Variants in SLC10A2 observed in about 807,000 individuals in gnomAD.
The protein encoded by SLC10A2 is ileal sodium/bile acid cotransporter.
A neutral mutation model predicts 27.1 loss-of-function variants in SLC10A2; 34 were observed. The observed-to-expected ratio is 1.26, with a 90% CI of 0.96 to 1.67. The LOEUF is 1.67. SLC10A2 is among the 40% of genes most tolerant of loss of function. The pLI is 0.00. For synonymous variants in SLC10A2, 205 were observed against 174.0 expected (o/e 1.18, Z -1.40); for missense variants, 530 against 444.4 (o/e 1.19, Z -1.73).
chr13:103,050,140 C>A (rs1055566241), intron 4 of SLC10A2, among the ~76,000 whole-genome samples: 4 of 152,086 alleles, frequency 2.6e-5, no homozygotes, highest in African/African-American at 7.2e-5. Context: ...CAGAATGAGA[C>A]CCTGTCTCAT....
At chr13:103,062,197 T>C (rs1876143764) in intron 1 of SLC10A2, among the ~76,000 whole-genome samples, 1 of 152,230 alleles carries the variant, frequency 6.6e-6, no homozygotes, top group East Asian at 1.9e-4. Flanking sequence ...TTGAAGGCTC[T>C]AACGTAGCGT....
intron 3 of SLC10A2, among the ~76,000 whole-genome samples, chr13:103,052,061 T>C (rs1397460648): frequency 6.6e-6 from 1 of 152,348 alleles, no homozygotes; most frequent in East Asian, 1.9e-4. Context: ...CTATCTATAT[T>C]ATCTACATAC....
At chr13:103,053,081 GGTGTGTGTGTGTGTGTGTGTGT>G (rs143709540) in intron 2 of SLC10A2, among the ~76,000 whole-genome samples, 4 of 145,072 alleles carry the variant, frequency 2.8e-5, no homozygotes, top group Non-Finnish European at 6.1e-5. Flanking sequence ...AGCTCACCAA[GGTGTGTGTGTGTGTGTGTGTGT>G]GTGTGTGTGT....
intron 1 of SLC10A2, among the ~76,000 whole-genome samples, chr13:103,062,165 T>C (rs1876142491): frequency 6.6e-6 from 1 of 152,234 alleles, no homozygotes; most frequent in Non-Finnish European, 1.5e-5. Context: ...ATTGTAATCA[T>C]ATTAGAAGTA....
In SLC10A2 at chr13:103,049,460, T is replaced by C. The variant is rs1875710984; in HGVS notation, c.762-14A>G. On this transcript the variant is annotated splice_polypyrimidine_tract_variant and intron_variant, in intron 4 of 5. Coordinates refer to ENST00000245312, the MANE Select transcript of SLC10A2 (RefSeq NM_000452.3). The stretch of plus-strand genomic sequence containing the variant: ...ACCGTTCGGCACCTAAAGAAGATGT[T>C]AAGAGAGCACATGTTTTAGTAGTTT... 6.8e-6 allele frequency: 11 copies of C among 1,613,592 alleles called. 1 individual carries two copies. In the Middle Eastern group the frequency reaches 6.6e-4, roughly 97 times the overall value.
chr13:103,048,700 T>C (rs1453562920), intron 5 of SLC10A2, among the ~76,000 whole-genome samples: 1 of 152,162 alleles, frequency 6.6e-6, no homozygotes, highest in Non-Finnish European at 1.5e-5. Context: ...TGGGAAACGC[T>C]GGGAGCTTCA....
intron 4 of SLC10A2, among the ~76,000 whole-genome samples, chr13:103,050,587 A>G (rs1875748874): frequency 6.6e-6 from 1 of 152,184 alleles, no homozygotes; most frequent in African/African-American, 2.4e-5. Context: ...TTCCACTCAG[A>G]GAATAAGAAT....
At chr13:103,050,277 T>C (rs926169480) in intron 4 of SLC10A2, among the ~76,000 whole-genome samples, 8 of 152,188 alleles carry the variant, frequency 5.3e-5, no homozygotes, top group African/African-American at 1.9e-4. Flanking sequence ...CCCCGGGCAG[T>C]GTGTGGTCGG....
intron 5 of SLC10A2, among the ~76,000 whole-genome samples, chr13:103,047,492 T>G (rs1875646110): frequency 6.6e-6 from 1 of 151,942 alleles, no homozygotes; most frequent in Admixed American, 6.6e-5. Context: ...TATCCCTTTT[T>G]CTTTCCCTCC....
chr13:103,049,773 T>C (rs1410301512), intron 4 of SLC10A2, among the ~76,000 whole-genome samples: 2 of 152,190 alleles, frequency 1.3e-5, no homozygotes, highest in African/African-American at 2.4e-5. Flanking sequence ...GGTAACAGTG[T>C]AGAGCACAGG....
At chr13:103,047,421 G>A (rs1875644520) in intron 5 of SLC10A2, among the ~76,000 whole-genome samples, 1 of 152,090 alleles carries the variant, frequency 6.6e-6, no homozygotes, top group African/African-American at 2.4e-5. Flanking sequence ...GTTTTGAGCT[G>A]AGAGTCCCTC....
At chr13:103,047,461 A>T (rs540868226) in intron 5 of SLC10A2, among the ~76,000 whole-genome samples, 92 of 152,116 alleles carry the variant, frequency 6.0e-4, no homozygotes, top group African/African-American at 2.2e-3. Flanking sequence ...GATTTCATTT[A>T]ACCAAACTAT....
intron 1 of SLC10A2, among the ~76,000 whole-genome samples, chr13:103,059,801 AG>A: frequency 6.6e-6 from 1 of 152,324 alleles, no homozygotes; most frequent in East Asian, 1.9e-4. Context: ...TGCATGTCCG[AG>A]GGAGGAGGCC....
At chr13:103,064,540 T>G (rs187284774) in intron 1 of SLC10A2, among the ~76,000 whole-genome samples, 3 of 152,328 alleles carry the variant, frequency 2.0e-5, no homozygotes, top group African/African-American at 7.2e-5. Context: ...AGAAAGCTGT[T>G]TATTGGGGGT....
chr13:103,052,617 T>TA lies in SLC10A2; in HGVS notation c.585+2dup. ...ATTTAATGGTGTGAACTGGGATACT[T>TA]ACTTTAAGTATGATCTTTGCTTTTT... On this transcript the variant is annotated splice_region_variant and intron_variant, in intron 3 of 5. Transcript: ENST00000245312. The TA allele has an allele frequency of 6.3e-7, 1 of 1,587,908 alleles. No individual in the cohort carries two copies. The highest frequency in any genetic ancestry group is 8.6e-7 in the Non-Finnish European group (1 of 1,156,270).
At chr13:103,060,881 C>A (rs9582653) in intron 1 of SLC10A2, among the ~76,000 whole-genome samples, 8,649 of 88,870 alleles carry the variant, frequency 0.097, 300 homozygotes, top group African/African-American at 0.14. Flanking sequence ...TACCTGCCCC[C>A]CAAAACAACA....
chr13:103,062,056 G>T (rs931531795), intron 1 of SLC10A2, among the ~76,000 whole-genome samples: 8 of 152,238 alleles, frequency 5.3e-5, no homozygotes, highest in Middle Eastern at 6.8e-3. Flanking sequence ...AACTGCCAGG[G>T]AGATTTTCTT....
chr13:103,057,862 G>A (rs1875985162), intron 2 of SLC10A2, among the ~76,000 whole-genome samples: 1 of 151,634 alleles, frequency 6.6e-6, no homozygotes, highest in African/African-American at 2.4e-5. Flanking sequence ...CTGGGTGGCA[G>A]AGTGAGACTC....
intron 2 of SLC10A2, among the ~76,000 whole-genome samples, chr13:103,053,463 T>A (rs1159511078): frequency 6.6e-6 from 1 of 152,246 alleles, no homozygotes; most frequent in Non-Finnish European, 1.5e-5. Context: ...TTACTGCTGT[T>A]TTTGCGACAT....
Sources: allele counts gnomAD v4.1 joint callset (sites outside exome capture counted in the v4.1 genomes callset), GRCh38; gene constraint gnomAD v4.1.1; transcripts MANE v1.5; gene names NCBI Gene and HGNC (gene_info 2026-07-23, HGNC 2026-07-21).